EIF4E: variants seen among roughly 807,000 people sequenced by gnomAD.
The protein encoded by EIF4E is eIF-4F 25 kDa subunit.
For synonymous variants in EIF4E, 71 were observed against 88.5 expected (o/e 0.80, Z 1.11); for missense variants, 113 against 265.6 (o/e 0.43, Z 3.99).
At chr4:98,925,674 T>C (rs748106398) in intron 1 of EIF4E, among the ~76,000 whole-genome samples, 18 of 152,120 alleles carry the variant, frequency 1.2e-4, no homozygotes, top group Non-Finnish European at 2.4e-4. Context: ...GTAATGTCCA[T>C]AGACAAAAAT....
At chr4:98,906,996 T>C (rs900676478) in intron 1 of EIF4E, among the ~76,000 whole-genome samples, 2 of 152,112 alleles carry the variant, frequency 1.3e-5, no homozygotes, top group African/African-American at 2.4e-5. Flanking sequence ...AAATGCAAAA[T>C]AAGGGTTGCT....
intron 1 of EIF4E, 23 bp downstream of exon 1, chr4:98,929,072 T>TG (rs746170023): frequency 7.6e-6 from 12 of 1,577,590 alleles, no homozygotes; most frequent in Non-Finnish European, 1.0e-5. Flanking sequence ...CCCGTGGGGG[T>TG]GGGGGCCAAA....
At chr4:98,902,818 C>T (rs1260811566) in intron 1 of EIF4E, among the ~76,000 whole-genome samples, 2 of 152,044 alleles carry the variant, frequency 1.3e-5, no homozygotes, top group African/African-American at 2.4e-5. Context: ...CCAGCCTGGG[C>T]AACACGGCAA....
chr4:98,917,008 T>A (rs1725405794), intron 1 of EIF4E, among the ~76,000 whole-genome samples: 1 of 151,652 alleles, frequency 6.6e-6, no homozygotes, highest in Non-Finnish European at 1.5e-5. Flanking sequence ...GTGATTCAGG[T>A]GAATGTGACT....
chr4:98,889,851 A>G (rs1281236636), intron 3 of EIF4E, among the ~76,000 whole-genome samples: 2 of 152,136 alleles, frequency 1.3e-5, no homozygotes, highest in African/African-American at 4.8e-5. Flanking sequence ...GGGGGTGCAG[A>G]AGACTGGAGT....
chr4:98,913,756 T>C (rs745503119), intron 1 of EIF4E, among the ~76,000 whole-genome samples: 1 of 152,206 alleles, frequency 6.6e-6, no homozygotes, highest in Non-Finnish European at 1.5e-5. Context: ...TTTACTTAGT[T>C]TAAGTTTTAC....
At chr4:98,928,922 G>A (rs1721351008) in intron 1 of EIF4E, 173 bp downstream of exon 1, 2 of 1,571,136 alleles carry the variant, frequency 1.3e-6, no homozygotes, top group Non-Finnish European at 8.6e-7. Flanking sequence ...ACGCCGCCTC[G>A]GCCATCCTCC....
At chr4:98,897,682 A>C (rs12498533) in intron 2 of EIF4E, among the ~76,000 whole-genome samples, 85,266 of 152,092 alleles carry the variant, frequency 0.56, 26,385 homozygotes, top group African/African-American at 0.84. Context: ...CACTACTGTA[A>C]AACAAAATAC....
At chr4:98,907,970 A>C (rs1724949075) in intron 1 of EIF4E, among the ~76,000 whole-genome samples, 2 of 152,236 alleles carry the variant, frequency 1.3e-5, no homozygotes, top group African/African-American at 2.4e-5. Flanking sequence ...ACTAGACTTC[A>C]AACTCTGGAG....
intron 1 of EIF4E, among the ~76,000 whole-genome samples, chr4:98,927,493 T>C (rs1018274608): frequency 2.6e-5 from 4 of 151,416 alleles, no homozygotes; most frequent in Non-Finnish European, 4.4e-5. Context: ...CCGTCTCTAC[T>C]AAAAATACAA....
chr4:98,919,337 AAAAAAAAAAC>A lies in EIF4E; in HGVS notation c.18+9748_18+9757del, dbSNP rs202062309. Reference sequence around the variant, plus strand: ...AACAGAAACAAAAAGACTAGCAAAAAAAAAAAAAACAAAAAAAAACATTAACCCACAGAAA... The same window carrying A: ...AACAGAAACAAAAAGACTAGCAAAAAAAAAAAAAACATTAACCCACAGAAA... On this transcript the variant is annotated intron_variant, in intron 1 of 6. Coordinates refer to ENST00000450253, the MANE Select transcript of EIF4E (RefSeq NM_001968.5). 9.7e-3 allele frequency among the ~76,000 whole-genome samples: 1,467 copies of A among 151,046 alleles called. 8 individuals carry two copies. Among genetic ancestry groups the A allele is most frequent in the Non-Finnish European group, 0.012 (820 of 67,630 alleles).
intron 1 of EIF4E, among the ~76,000 whole-genome samples, chr4:98,909,197 TA>T (rs1490735695): frequency 6.6e-6 from 1 of 152,234 alleles, no homozygotes; most frequent in East Asian, 1.9e-4. Context: ...GAGTTTGTAT[TA>T]TTATGCACAG....
intron 1 of EIF4E, among the ~76,000 whole-genome samples, chr4:98,918,396 A>G (rs1725493736): frequency 6.6e-6 from 1 of 151,706 alleles, no homozygotes; most frequent in Non-Finnish European, 1.5e-5. Context: ...AAAATTAAAG[A>G]TAAAAGAAAA....
intron 2 of EIF4E, among the ~76,000 whole-genome samples, chr4:98,901,527 T>C (rs1331598146): frequency 6.6e-6 from 1 of 152,190 alleles, no homozygotes; most frequent in Non-Finnish European, 1.5e-5. Context: ...ACTGTCTTTG[T>C]ATGTCCATCC....
chr4:98,898,902 TATC>T (rs2110195477), intron 2 of EIF4E, among the ~76,000 whole-genome samples: 1 of 151,964 alleles, frequency 6.6e-6, no homozygotes, highest in African/African-American at 2.4e-5. Flanking sequence ...TTAAATAAAA[TATC>T]ATACATCCAC....
At chr4:98,924,562 G>T (rs1257781958) in intron 1 of EIF4E, among the ~76,000 whole-genome samples, 1 of 151,558 alleles carries the variant, frequency 6.6e-6, no homozygotes, top group Non-Finnish European at 1.5e-5. Context: ...CATTAACTCA[G>T]ATTATAAAAT....
chr4:98,887,509 C>T lies in EIF4E; in HGVS notation c.286-317G>A, dbSNP rs1427359568. Among the ~76,000 whole-genome samples the T allele has an allele frequency of 3.3e-5, 5 of 152,142 alleles. No homozygotes were observed. Among genetic ancestry groups the T allele is most frequent in the Admixed American group, 3.3e-4 (5 of 15,254 alleles). ...TACAGCTAGAAAATACATGCAAAAA[C>T]TATGCAATTTCAGTTAATGAATGTC... is the stretch of plus-strand genomic sequence containing the variant. On this transcript the variant is annotated intron_variant, in intron 4 of 6. Coordinates refer to ENST00000450253, the MANE Select transcript of EIF4E (RefSeq NM_001968.5). The surrounding 1 kb of genome is among the most constrained non-coding windows in gnomAD (Gnocchi z 4.0).
intron 1 of EIF4E, among the ~76,000 whole-genome samples, chr4:98,920,691 A>T (rs1339555131): frequency 6.6e-6 from 1 of 152,200 alleles, no homozygotes; most frequent in Non-Finnish European, 1.5e-5. Flanking sequence ...AAAAACAAAA[A>T]ATAAAGAAAA....
At chr4:98,909,393 CAAATT>C in intron 1 of EIF4E, 1 of 382,150 alleles carries the variant, frequency 2.6e-6, no homozygotes, top group Non-Finnish European at 4.6e-6. Context: ...ATTCATTTGA[CAAATT>C]AAATCAGGCA....
Sources: gnomAD v4.1 joint callset for allele counts (sites outside exome capture counted in the v4.1 genomes callset) on GRCh38, gnomAD v4.1.1 for gene constraint, Gnocchi (gnomAD v3.1) non-coding constraint, MANE v1.5 for transcripts, NCBI Gene and HGNC (gene_info 2026-07-23, HGNC 2026-07-21) for gene names.